The following ROBO1 variants were observed in gnomAD, a reference collection of about 807,000 sequenced individuals.
ROBO1 encodes the protein roundabout homolog 1.
ROBO1 carries 149 observed loss-of-function variants against 195.9 expected under a neutral mutation model. The observed-to-expected ratio is 0.76, with a 90% CI of 0.67 to 0.87. ROBO1 has a LOEUF of 0.87. ROBO1 is among the 40% of genes least tolerant of loss of function. ROBO1 has a pLI of 0.00. For missense variants in ROBO1, 1,933 were observed against 2,068.3 expected, an observed-to-expected ratio of 0.93 and a Z score of 1.27; for synonymous variants, 816 against 733.2, an observed-to-expected ratio of 1.11 and a Z score of -1.82.
At position 78,982,171 on chromosome 3, in the gene ROBO1, C is replaced by T. The variant is rs2077010109; in HGVS notation, c.173-43244G>A. The stretch of plus-strand genomic sequence containing the variant: ...TGTCCCAGGCAATCCTGTGTTCTTT[C>T]GGCTCACTGATTTCTCCTAATAATC... On this transcript the variant is annotated intron_variant, in intron 3 of 30. Coordinates refer to ENST00000464233, the MANE Select transcript of ROBO1 (RefSeq NM_002941.4). Among the ~76,000 whole-genome samples, 2 of 152,098 alleles carry T rather than the reference C, an allele frequency of 1.3e-5. 1 individual carries two copies. The highest frequency in any genetic ancestry group is 1.3e-4 in the Admixed American group (2 of 15,264).
intron 1 of ROBO1, among the ~76,000 whole-genome samples, chr3:79,626,354 T>A (rs1945179398): frequency 1.3e-5 from 2 of 152,082 alleles, no homozygotes; most frequent in Non-Finnish European, 2.9e-5. Flanking sequence ...GGAATATCAC[T>A]TGAACCCGGG....
At chr3:78,855,864 T>C (rs2034383716) in intron 4 of ROBO1, among the ~76,000 whole-genome samples, 1 of 148,846 alleles carries the variant, frequency 6.7e-6, no homozygotes, top group African/African-American at 2.5e-5. Context: ...CATAAAATTA[T>C]GAAAACTTTG....
chr3:78,651,362 A>G lies in ROBO1; in HGVS notation c.2812+370T>C, dbSNP rs62260391. ...ACAATGTCTCCCCTGAAACCATGTG[A>G]GACTGTTCAAAGGTTGCGTTTATAA... On this transcript the variant is annotated intron_variant, in intron 19 of 30. Coordinates refer to ENST00000464233, the MANE Select transcript of ROBO1 (RefSeq NM_002941.4). Among the ~76,000 whole-genome samples, 995 of 152,290 alleles carry G rather than the reference A, an allele frequency of 6.5e-3. 7 individuals carry two copies. The highest frequency in any genetic ancestry group is 0.011 in the Non-Finnish European group (764 of 68,022).
chr3:79,375,392 T>C (rs1408068224), intron 2 of ROBO1, among the ~76,000 whole-genome samples: 1 of 152,174 alleles, frequency 6.6e-6, no homozygotes, highest in East Asian at 1.9e-4. Context: ...CTTCTTAATG[T>C]ATGATGGGAT....
In ROBO1 at chr3:79,633,957, T is replaced by C. The variant is rs139134232; in HGVS notation, c.-50-43996A>G. On this transcript the variant is annotated intron_variant, in intron 1 of 30. Coordinates refer to ENST00000464233, the MANE Select transcript of ROBO1 (RefSeq NM_002941.4). Reference sequence around the variant, plus strand: ...CAGGAGCTTCTTTGTTGGGAACTGATATAGAGAAAAAAAGGAGCCAAGTAT... The same window carrying C: ...CAGGAGCTTCTTTGTTGGGAACTGACATAGAGAAAAAAAGGAGCCAAGTAT... 3.0e-3 allele frequency among the ~76,000 whole-genome samples: 456 copies of C among 152,062 alleles called. 3 individuals carry two copies. The highest frequency in any genetic ancestry group is 0.011 in the African/African-American group (437 of 41,508).
At chr3:79,619,623 C>T (rs1388967816) in intron 1 of ROBO1, among the ~76,000 whole-genome samples, 1 of 152,102 alleles carries the variant, frequency 6.6e-6, no homozygotes, top group African/African-American at 2.4e-5. Flanking sequence ...AGAGAGGTGG[C>T]TAGAGCTGAA....
At chr3:79,139,684 C>A (rs2080483159) in intron 2 of ROBO1, among the ~76,000 whole-genome samples, 1 of 152,106 alleles carries the variant, frequency 6.6e-6, no homozygotes, top group Non-Finnish European at 1.5e-5. Context: ...GATTTGCTGC[C>A]TTGAACTTTA....
chr3:79,127,752 C>A (rs2080243069), intron 2 of ROBO1, among the ~76,000 whole-genome samples: 1 of 152,148 alleles, frequency 6.6e-6, no homozygotes, highest in Admixed American at 6.6e-5. Flanking sequence ...ATACCTAAAT[C>A]ATATAAAACA....
chr3:78,897,844 A>T (rs953288803), intron 4 of ROBO1, among the ~76,000 whole-genome samples: 3 of 152,082 alleles, frequency 2.0e-5, no homozygotes, highest in Non-Finnish European at 4.4e-5. Context: ...TGTACCAAAA[A>T]GATGATACAA....
intron 4 of ROBO1, among the ~76,000 whole-genome samples, chr3:78,813,031 T>C (rs991361980): frequency 1.3e-5 from 2 of 152,086 alleles, no homozygotes; most frequent in African/African-American, 4.8e-5. Context: ...AAATTTTCTT[T>C]AGATCTTAGA....
intron 4 of ROBO1, among the ~76,000 whole-genome samples, chr3:78,918,832 C>A (rs2038780882): frequency 6.6e-6 from 1 of 152,042 alleles, no homozygotes; most frequent in African/African-American, 2.4e-5. Context: ...AGCCCACAAC[C>A]ATAAAGTGAG....
At chr3:79,477,860 T>A (rs1452381018) in intron 2 of ROBO1, among the ~76,000 whole-genome samples, 1 of 152,206 alleles carries the variant, frequency 6.6e-6, no homozygotes, top group Non-Finnish European at 1.5e-5. Flanking sequence ...ATTTCCTTAC[T>A]GATTTAGGAT....
At chr3:79,007,731 C>G (rs1471873486) in intron 3 of ROBO1, among the ~76,000 whole-genome samples, 1 of 152,128 alleles carries the variant, frequency 6.6e-6, no homozygotes, top group East Asian at 1.9e-4. Context: ...TTAAATCAAG[C>G]TAATTAACAA....
intron 3 of ROBO1, among the ~76,000 whole-genome samples, chr3:78,939,337 C>T (rs148437446): frequency 1.1e-4 from 16 of 152,034 alleles, no homozygotes; most frequent in East Asian, 1.9e-4. Context: ...ATATGTGGCC[C>T]GGCGCGGGGG....
chr3:78,682,381 A>G (rs1461715685), intron 10 of ROBO1, among the ~76,000 whole-genome samples: 1 of 151,002 alleles, frequency 6.6e-6, no homozygotes, highest in African/African-American at 2.4e-5. Context: ...TGTCATGTAA[A>G]AAATATATTA....
chr3:79,756,133 C>A (rs1290539934), intron 1 of ROBO1, among the ~76,000 whole-genome samples: 2 of 152,132 alleles, frequency 1.3e-5, no homozygotes, highest in Non-Finnish European at 2.9e-5. Context: ...TAGGTATGTT[C>A]ATTTTCCACA....
chr3:79,303,157 TA>T (rs1194664626), intron 2 of ROBO1, among the ~76,000 whole-genome samples: 1 of 142,710 alleles, frequency 7.0e-6, no homozygotes, highest in Non-Finnish European at 1.5e-5. Flanking sequence ...TTATCTCACA[TA>T]GGTTTTTTTT....
At chr3:79,013,455 A>T (rs1268911223) in intron 3 of ROBO1, among the ~76,000 whole-genome samples, 1 of 152,232 alleles carries the variant, frequency 6.6e-6, no homozygotes. Flanking sequence ...TAAAAATTAG[A>T]GACCATTTTC....
At chr3:79,376,688 T>C (rs2036397628) in intron 2 of ROBO1, among the ~76,000 whole-genome samples, 1 of 152,190 alleles carries the variant, frequency 6.6e-6, no homozygotes, top group African/African-American at 2.4e-5. Flanking sequence ...CCCAGCCATG[T>C]AGAACTGTGA....
Sources: gnomAD v4.1 joint callset for allele counts (sites outside exome capture counted in the v4.1 genomes callset) on GRCh38, gnomAD v4.1.1 for gene constraint, MANE v1.5 for transcripts, NCBI Gene and HGNC (gene_info 2026-07-23, HGNC 2026-07-21) for gene names.